BSN: variants seen among roughly 807,000 people sequenced by gnomAD.
BSN encodes the protein bassoon presynaptic cytomatrix protein.
Under a neutral mutation model 264.8 loss-of-function variants are expected in BSN, and 57 were observed. The observed-to-expected ratio is 0.22, with a 90% confidence interval of 0.17 to 0.27. The LOEUF is 0.27. Ranked by LOEUF, BSN falls within the 10% of genes least tolerant of loss-of-function variation. BSN has a pLI of 1.00. For missense variants in BSN, 4,615 were observed against 5,232.5 expected, an observed-to-expected ratio of 0.88 and a Z score of 3.64; for synonymous variants, 2,059 against 2,137.3, an observed-to-expected ratio of 0.96 and a Z score of 1.01.
Position 49,656,085 on chromosome 3 carries a change from G to C in BSN, c.6529G>C (p.Val2177Leu), listed in dbSNP as rs753679563. 9 of 1,611,500 alleles carry C rather than the reference G, an allele frequency of 5.6e-6. No homozygotes were observed. Among genetic ancestry groups the C allele is most frequent in the Non-Finnish European group, 6.8e-6 (8 of 1,179,576 alleles). The change falls in exon 5 of 12, where the codon GTC becomes CTC. Residue 2177 changes from valine to leucine, a missense_variant. Val to Leu is a conservative substitution (Grantham distance 32, BLOSUM62 1). Around this residue, in one of 3 missense-constraint regions of BSN, gnomAD observed 3,415 missense variants for 3,866.4 expected, o/e 0.88. Transcript: ENST00000296452. Reference sequence around the variant, plus strand: ...GCCTGCAGCAGGCCAAGGAACAGCAGTCAGACAGCTGCTGCCGTCCACAGC... The same window carrying C: ...GCCTGCAGCAGGCCAAGGAACAGCACTCAGACAGCTGCTGCCGTCCACAGC... Reference protein sequence around the residue: ...YGPAAGQGTAVRQLLPSTATV... With the variant: ...YGPAAGQGTALRQLLPSTATV...
rs779319682 is a variant in BSN, at chr3:49,657,361, G to A, written c.7805G>A (p.Arg2602His). 9.9e-6 allele frequency: 16 copies of A among 1,613,178 alleles called. No individual in the cohort carries two copies. Among genetic ancestry groups the A allele is most frequent in the Admixed American group, 1.7e-5 (1 of 60,000 alleles). ...AGCCGCTACCTCTTGAGTCGGCGACGCCGGGCACGGCGGAGTGCTGACTGC... is the reference window on the plus strand; with the variant it reads ...AGCCGCTACCTCTTGAGTCGGCGACACCGGGCACGGCGGAGTGCTGACTGC... Reference protein sequence around the residue: ...GESRYLLSRRRRARRSADCSV... With the variant: ...GESRYLLSRRHRARRSADCSV... Residue 2602 changes from arginine (R) to histidine (H), a missense_variant, in exon 5 of 12, where the codon CGC (arginine) becomes CAC (histidine). Around this residue, in one of 3 missense-constraint regions of BSN, gnomAD observed 3,415 missense variants for 3,866.4 expected, o/e 0.88. Transcript: ENST00000296452.
intron 1 of BSN, among the ~76,000 whole-genome samples, chr3:49,605,914 A>ATAAATATATTTATATCTATT: frequency 1.1e-3 from 1 of 904 alleles, no homozygotes; most frequent in Non-Finnish European, 0.014. Context: ...ATAAATAGAT[A>ATAAATATATTTATATCTATT]TAAATAGATA....
Position 49,652,502 on chromosome 3 carries a change from A to T in BSN, c.2946A>T (p.Thr982=). 6.2e-7 allele frequency: 1 copy of T among 1,613,556 alleles called. No homozygotes were observed. The highest frequency in any genetic ancestry group is 8.5e-7 in the Non-Finnish European group (1 of 1,179,944). Residue 982 remains threonine (T), a synonymous_variant, in exon 5 of 12, where the codon ACA becomes ACT. Coordinates refer to ENST00000296452, the MANE Select transcript of BSN (RefSeq NM_003458.4). Reference sequence around the variant, plus strand: ...GCTCCCGTGGTGAGCACTCCTCTACATTGCCTGCCTCCACACCCAGCTACA... The same window carrying T: ...GCTCCCGTGGTGAGCACTCCTCTACTTTGCCTGCCTCCACACCCAGCTACA... ...EDRSRGEHSS[T]LPASTPSYTS...
At position 49,662,083 on chromosome 3, in the gene BSN, A is replaced by G. The variant is rs1385498841; in HGVS notation, c.10238A>G (p.Lys3413Arg). 1 of 1,613,578 alleles carries G rather than the reference A, an allele frequency of 6.2e-7. No individual in the cohort carries two copies. The highest frequency in any genetic ancestry group is 1.1e-5 in the South Asian group (1 of 91,090). The stretch of plus-strand genomic sequence containing the variant: ...CAGGATGAAATCACCTATGGGCTCA[A>G]GAAGAACGTGTATGAGCAGCAAAAA... Reference protein sequence around the residue: ...KFQDEITYGLKKNVYEQQKYY... With the variant: ...KFQDEITYGLRKNVYEQQKYY... The change falls in exon 6 of 12, where the codon AAG becomes AGG. Residue 3413 changes from lysine (K) to arginine (R), a missense_variant. By Grantham distance (26) the Lys-to-Arg change is conservative (BLOSUM62 2). Transcript: ENST00000296452.
chr3:49,660,517 G>A lies in BSN; in HGVS notation c.8672G>A (p.Arg2891His), dbSNP rs765002253. The change falls in exon 6 of 12, where the codon CGC (arginine) becomes CAC (histidine). Residue 2891 changes from arginine (R) to histidine (H), a missense_variant. Arg to His is a conservative substitution (Grantham distance 29). Coordinates refer to ENST00000296452, the MANE Select transcript of BSN (RefSeq NM_003458.4). The surrounding 1 kb of genome is among the most constrained non-coding windows in gnomAD (Gnocchi z 7.1). The stretch of plus-strand genomic sequence containing the variant: ...GCGTTGCCACCCAACAGCCTGGTCC[G>A]CAAGGTGAAGCGGACACTGCCCAGC... ...VSALPPNSLV[R>H]KVKRTLPSPP... 1.2e-5 allele frequency: 19 copies of A among 1,542,624 alleles called. No individual in the cohort carries two copies. Among genetic ancestry groups the A allele is most frequent in the East Asian group, 2.3e-5 (1 of 44,290 alleles).
rs762662730 is a variant in BSN at position 49,653,651 on chromosome 3, A to G, written c.4095A>G (p.Ser1365=). Residue 1365 remains serine (S), a synonymous_variant, in exon 5 of 12, where the codon TCA becomes TCG. Transcript: ENST00000296452. This position sits in a 1 kb window ranked among gnomAD's most constrained non-coding sequence, Gnocchi z 6.3. ...ACAGCTCTCCTGCCTCCCCCAGCTC[A>G]GCCTCCAAGGAGATAGGCATGCCCT... is the stretch of plus-strand genomic sequence containing the variant. ...KLHSSPASPS[S]ASKEIGMPFS... 1.2e-6 allele frequency: 2 copies of G among 1,613,818 alleles called. No homozygotes were observed. Among genetic ancestry groups the G allele is most frequent in the Admixed American group, 3.3e-5 (2 of 60,016 alleles).
chr3:49,630,570 G>A (rs2052377179), intron 2 of BSN, among the ~76,000 whole-genome samples: 1 of 152,320 alleles, frequency 6.6e-6, no homozygotes. Flanking sequence ...CAGGGTGGAG[G>A]CCACAGCCAC....
At position 49,654,653 on chromosome 3, in the gene BSN, C is replaced by T. The variant is rs1304136795; in HGVS notation, c.5097C>T (p.Ala1699=). 1.2e-6 allele frequency: 2 copies of T among 1,613,914 alleles called. No individual in the cohort carries two copies. Among genetic ancestry groups the T allele is most frequent in the Middle Eastern group, 1.6e-4 (1 of 6,062 alleles). ...TGGAAGCGAGGAAGTATGGTCTTGC[C>T]CTGGATCCAATCCCAGGACGGCAGT... The part of the protein sequence containing the change: ...LAVEARKYGL[A]LDPIPGRQST... Residue 1699 remains alanine, a synonymous_variant, in exon 5 of 12, where the codon GCC becomes GCT. Transcript: ENST00000296452. This position sits in a 1 kb window ranked among gnomAD's most constrained non-coding sequence, Gnocchi z 4.1.
At chr3:49,614,051 CTTTTTTT>C (rs35326455) in intron 1 of BSN, among the ~76,000 whole-genome samples, 1 of 87,804 alleles carries the variant, frequency 1.1e-5, no homozygotes, top group Non-Finnish European at 2.1e-5. Context: ...GACATTCAGT[CTTTTTTT>C]TTTTTTTTTT....
chr3:49,577,542 CT>C (rs60498586), intron 1 of BSN, among the ~76,000 whole-genome samples: 95 of 145,528 alleles, frequency 6.5e-4, no homozygotes, highest in African/African-American at 6.8e-4. Context: ...TCTTTTCTTT[CT>C]TTTTTTTTTT....
chr3:49,654,848 T>G lies in BSN; in HGVS notation c.5292T>G (p.Gly1764=). 1 of 1,613,282 alleles carries G rather than the reference T, an allele frequency of 6.2e-7. No individual in the cohort carries two copies. The highest frequency in any genetic ancestry group is 1.3e-5 in the African/African-American group (1 of 74,976). ...AGAGCCGCCTTGACTTTGGCCAGGG[T>G]GGGGGTAGCCCTGTGTGCCTGGCCC... ...PYQSRLDFGQ[G]GGSPVCLAQV... Residue 1764 remains glycine (G), a synonymous_variant, in exon 5 of 12, where the codon GGT becomes GGG. Coordinates refer to ENST00000296452, the MANE Select transcript of BSN (RefSeq NM_003458.4). This position sits in a 1 kb window ranked among gnomAD's most constrained non-coding sequence, Gnocchi z 4.1.
At chr3:49,592,964 T>A (rs2051992398) in intron 1 of BSN, among the ~76,000 whole-genome samples, 1 of 152,208 alleles carries the variant, frequency 6.6e-6, no homozygotes, top group Non-Finnish European at 1.5e-5. Flanking sequence ...TTTGTGTATC[T>A]ATGACCACAG....
chr3:49,604,146 A>G (rs1484509529), intron 1 of BSN, among the ~76,000 whole-genome samples: 2 of 151,490 alleles, frequency 1.3e-5, no homozygotes, highest in African/African-American at 2.4e-5. Flanking sequence ...TTGGCCTTCA[A>G]CTCCTGGGCT....
intron 1 of BSN, among the ~76,000 whole-genome samples, chr3:49,571,866 A>G (rs2051798828): frequency 6.6e-6 from 1 of 152,172 alleles, no homozygotes; most frequent in Non-Finnish European, 1.5e-5. Context: ...AGAGGTAGCA[A>G]CACCAACTCC....
At position 49,662,307 on chromosome 3, in the gene BSN, A is replaced by G. The variant is rs1348418498; in HGVS notation, c.10462A>G (p.Met3488Val). The change falls in exon 6 of 12, where the codon ATG becomes GTG. Residue 3488 changes from methionine to valine, a missense_variant. Physicochemically the swap from Met to Val is conservative, Grantham distance 21. Around this residue, in one of 3 missense-constraint regions of BSN, gnomAD observed 3,415 missense variants for 3,866.4 expected, o/e 0.88. Coordinates refer to ENST00000296452, the MANE Select transcript of BSN (RefSeq NM_003458.4). ...KAGPKPSSLS[M>V]AHSRVRPPMR... ...GGGCCCCAAGCCCTCATCCCTAAGTATGGCCCACAGCCGGGTACGACCCCC... is the reference window on the plus strand; with the variant it reads ...GGGCCCCAAGCCCTCATCCCTAAGTGTGGCCCACAGCCGGGTACGACCCCC... The G allele has an allele frequency of 1.4e-5, 23 of 1,613,824 alleles. No individual in the cohort carries two copies. Among genetic ancestry groups the G allele is most frequent in the South Asian group, 2.2e-5 (2 of 91,090 alleles).
At chr3:49,637,911 G>A (rs1309969465) in intron 2 of BSN, among the ~76,000 whole-genome samples, 2 of 152,194 alleles carry the variant, frequency 1.3e-5, no homozygotes, top group African/African-American at 4.8e-5. Flanking sequence ...CCTTGGAGAT[G>A]GCAAGATGGG....
chr3:49,609,303 A>G (rs2108043991), intron 1 of BSN, among the ~76,000 whole-genome samples: 1 of 147,234 alleles, frequency 6.8e-6, no homozygotes, highest in Non-Finnish European at 1.5e-5. Context: ...GGATCTTCCT[A>G]TGTTGCCCAG....
chr3:49,650,973 C>A lies in BSN; in HGVS notation c.1880C>A (p.Thr627Asn), dbSNP rs773703533. 4 of 1,614,156 alleles carry A rather than the reference C, an allele frequency of 2.5e-6. No individual in the cohort carries two copies. The South Asian group carries it at 3.3e-5, about 13-fold the overall frequency. The change falls in exon 4 of 12, where the codon ACC (threonine) becomes AAC (asparagine). Residue 627 changes from threonine to asparagine, a missense_variant. By Grantham distance (65) the Thr-to-Asn change is moderately conservative. Coordinates refer to ENST00000296452, the MANE Select transcript of BSN (RefSeq NM_003458.4). ...EPMPKPPPET[T>N]PTPATPKVKS... ...ATGCCGAAGCCACCTCCAGAGACTA[C>A]CCCAACCCCTGCGACTCCTAAAGTA...
At chr3:49,563,516 T>C (rs891044511) in intron 1 of BSN, among the ~76,000 whole-genome samples, 1 of 152,200 alleles carries the variant, frequency 6.6e-6, no homozygotes, top group African/African-American at 2.4e-5. Flanking sequence ...AAAGAGACTT[T>C]AGATCTTCAG....
Sources: allele counts gnomAD v4.1 joint callset (sites outside exome capture counted in the v4.1 genomes callset), GRCh38; gene constraint gnomAD v4.1.1; regional missense constraint gnomAD v4.1.1; non-coding constraint Gnocchi (gnomAD v3.1); transcripts MANE v1.5; gene names NCBI Gene and HGNC (gene_info 2026-07-23, HGNC 2026-07-21).